Variants in GPT2 observed in about 807,000 individuals in gnomAD.
GPT2 encodes the protein alanine aminotransferase 2.
A neutral mutation model predicts 56.9 loss-of-function variants in GPT2; 30 were observed. The ratio of observed to expected loss-of-function variants is 0.53; its 90% CI spans 0.39 to 0.72. GPT2 has a LOEUF of 0.72. Ranked by LOEUF, GPT2 falls within the 30% of genes least tolerant of loss-of-function variation. GPT2 has a pLI of 0.00. For synonymous variants in GPT2, 271 were observed against 283.1 expected, an observed-to-expected ratio of 0.96 and a Z score of 0.43; for missense variants, 542 against 703.4, an observed-to-expected ratio of 0.77 and a Z score of 2.60.
intron 3 of GPT2, among the ~76,000 whole-genome samples, 163 bp from the exon 4 acceptor site, chr16:46,900,519 G>A (rs1002005649): frequency 5.3e-5 from 8 of 152,152 alleles, no homozygotes; most frequent in South Asian, 2.1e-4. Flanking sequence ...AGAGCCCAGC[G>A]TCTTCCCCTC....
Position 46,916,723 on chromosome 16 carries a change from C to G in GPT2, c.900+16C>G. The stretch of plus-strand genomic sequence containing the variant: ...GGCTGATGAGGTAAGAATGTCCCCA[C>G]TCAGAGGGAGTGGGCACTAGCTTTC... On this transcript the variant is annotated intron_variant, in intron 7 of 11. Coordinates refer to ENST00000340124, the MANE Select transcript of GPT2 (RefSeq NM_133443.4). 5 of 1,582,512 alleles carry G rather than the reference C, an allele frequency of 3.2e-6. No homozygotes were observed. The highest frequency in any genetic ancestry group is 4.3e-6 in the Non-Finnish European group (5 of 1,151,374).
At chr16:46,901,685 CTTG>C (rs983713009) in intron 4 of GPT2, among the ~76,000 whole-genome samples, 3 of 152,180 alleles carry the variant, frequency 2.0e-5, no homozygotes, top group African/African-American at 7.2e-5. Flanking sequence ...AGTGGCCCCC[CTTG>C]TTGTCTCCAT....
intron 2 of GPT2, among the ~76,000 whole-genome samples, chr16:46,895,742 A>T (rs1163743919): frequency 7.2e-5 from 11 of 152,178 alleles, no homozygotes; most frequent in African/African-American, 2.7e-4. Context: ...AGTGTTGCCC[A>T]GGCTGTTGTT....
intron 5 of GPT2, among the ~76,000 whole-genome samples, chr16:46,908,488 G>A (rs886333514): frequency 6.6e-6 from 1 of 152,182 alleles, no homozygotes; most frequent in African/African-American, 2.4e-5. Context: ...GGAGCCATGT[G>A]CTGTCTGAAC....
intron 2 of GPT2, among the ~76,000 whole-genome samples, chr16:46,888,774 T>G (rs1171561284): frequency 6.6e-6 from 1 of 152,106 alleles, no homozygotes; most frequent in African/African-American, 2.4e-5. Flanking sequence ...CTCAGTCTCC[T>G]GAGCAGCTTG....
At chr16:46,885,567 C>G (rs954807654) in intron 2 of GPT2, 1 of 984,722 alleles carries the variant, frequency 1.0e-6, no homozygotes, top group Non-Finnish European at 1.2e-6. Context: ...GGTCTGGGGA[C>G]AGTCACCGAG....
chr16:46,889,371 C>T (rs147690104), intron 2 of GPT2, among the ~76,000 whole-genome samples: 5 of 150,926 alleles, frequency 3.3e-5, no homozygotes, highest in African/African-American at 1.2e-4. Context: ...GATCCTCCTG[C>T]CTCAGCCTCT....
intron 6 of GPT2, among the ~76,000 whole-genome samples, chr16:46,914,561 T>C (rs1050367963): frequency 5.3e-5 from 8 of 152,092 alleles, no homozygotes; most frequent in Admixed American, 5.2e-4. Flanking sequence ...AATAATAAAA[T>C]GTGTTGTAAG....
chr16:46,895,311 G>A (rs756239368), intron 2 of GPT2, among the ~76,000 whole-genome samples: 4 of 152,064 alleles, frequency 2.6e-5, no homozygotes, highest in Non-Finnish European at 5.9e-5. Context: ...AATCATTTGT[G>A]CTCAGGAGTT....
Position 46,906,835 on chromosome 16 carries a change from C to T in GPT2, c.443-7C>T. 3 of 1,614,102 alleles carry T rather than the reference C, an allele frequency of 1.9e-6. No homozygotes were observed. Among genetic ancestry groups the T allele is most frequent in the Non-Finnish European group, 2.5e-6 (3 of 1,179,966 alleles). On this transcript the variant is annotated splice_region_variant and splice_polypyrimidine_tract_variant and intron_variant, in intron 4 of 11. Transcript: ENST00000340124. ...CCTCTGTTACTGTCTTGCCTGCTGTCTTACAGGGTCCTACAGTGCTAGCCA... is the reference window on the plus strand; with the variant it reads ...CCTCTGTTACTGTCTTGCCTGCTGTTTTACAGGGTCCTACAGTGCTAGCCA...
chr16:46,911,264 A>T (rs1201504898), intron 6 of GPT2, among the ~76,000 whole-genome samples: 1 of 152,126 alleles, frequency 6.6e-6, no homozygotes, highest in African/African-American at 2.4e-5. Flanking sequence ...CTGCCTTCAT[A>T]TGCCCCCAGT....
At chr16:46,925,991 C>T (rs1167466615) in intron 10 of GPT2, among the ~76,000 whole-genome samples, 1 of 151,404 alleles carries the variant, frequency 6.6e-6, no homozygotes. Flanking sequence ...ATTAGCTGGA[C>T]ATGGTGGCCT....
At chr16:46,896,354 G>T (rs149241212) in intron 2 of GPT2, among the ~76,000 whole-genome samples, 89 of 152,242 alleles carry the variant, frequency 5.8e-4, no homozygotes, top group African/African-American at 1.9e-3. Context: ...TGTCACAAGG[G>T]TCTTGGACTT....
intron 6 of GPT2, chr16:46,915,643 GCACACATTACACACCACA>G (rs1189150851): frequency 8.3e-6 from 1 of 120,248 alleles, no homozygotes; most frequent in Non-Finnish European, 1.7e-5. Flanking sequence ...CACCACACCT[GCACACATTACACACCACA>G]CACAGACACA....
chr16:46,918,516 TG>T, intron 7 of GPT2, 104 bp from the exon 8 acceptor site: 1 of 1,327,242 alleles, frequency 7.5e-7, no homozygotes, highest in Non-Finnish European at 1.0e-6. Context: ...CTGGGCCGGC[TG>T]GGCCTCATGG....
intron 6 of GPT2, among the ~76,000 whole-genome samples, chr16:46,911,617 T>C (rs1961048474): frequency 6.6e-6 from 1 of 152,130 alleles, no homozygotes; most frequent in African/African-American, 2.4e-5. Flanking sequence ...CTCTGAGATA[T>C]CGGTAGCCTG....
intron 2 of GPT2, among the ~76,000 whole-genome samples, chr16:46,893,665 T>C (rs1960627555): frequency 6.6e-6 from 1 of 152,136 alleles, no homozygotes; most frequent in Non-Finnish European, 1.5e-5. Flanking sequence ...TCCCTAGAGC[T>C]GGGGGGTTGG....
intron 3 of GPT2, among the ~76,000 whole-genome samples, 200 bp from the exon 4 acceptor site, chr16:46,900,482 C>G (rs1466995902): frequency 6.6e-6 from 1 of 152,178 alleles, no homozygotes; most frequent in East Asian, 1.9e-4. Context: ...TGCATCCCAA[C>G]TCTCAACTTC....
chr16:46,927,202 G>A (rs1488094354), intron 11 of GPT2, among the ~76,000 whole-genome samples, 165 bp downstream of exon 11: 1 of 152,176 alleles, frequency 6.6e-6, no homozygotes, highest in African/African-American at 2.4e-5. Flanking sequence ...CTCAGACCCT[G>A]CCCAGGGATT....
Sources: allele counts gnomAD v4.1 joint callset (sites outside exome capture counted in the v4.1 genomes callset), GRCh38; gene constraint gnomAD v4.1.1; transcripts MANE v1.5; gene names NCBI Gene and HGNC (gene_info 2026-07-23, HGNC 2026-07-21).